The following ARHGAP26 variants were observed in gnomAD, a reference collection of about 807,000 sequenced individuals.
ARHGAP26 encodes the protein rho GTPase-activating protein 26.
ARHGAP26 carries 38 observed loss-of-function variants against 104.8 expected under a neutral mutation model. That is an observed-to-expected ratio of 0.36 (90% confidence interval 0.28 to 0.48). ARHGAP26 has a LOEUF of 0.48. ARHGAP26 is among the 20% of genes least tolerant of loss of function. The probability of loss-of-function intolerance (pLI) is 0.99; values close to 1 mark genes in which losing one functional copy is unlikely to be tolerated. For missense variants in ARHGAP26, 704 were observed against 947.9 expected, an observed-to-expected ratio of 0.74 and a Z score of 3.38; for synonymous variants, 341 against 340.0, an observed-to-expected ratio of 1.00 and a Z score of -0.03.
At chr5:142,994,281 G>A (rs1776062829) in intron 11 of ARHGAP26, among the ~76,000 whole-genome samples, 1 of 152,198 alleles carries the variant, frequency 6.6e-6, no homozygotes. Context: ...AAGAAATATG[G>A]CAACACAGAT....
intron 11 of ARHGAP26, among the ~76,000 whole-genome samples, chr5:142,943,275 T>C (rs960766133): frequency 6.6e-6 from 1 of 152,246 alleles, no homozygotes; most frequent in Non-Finnish European, 1.5e-5. Context: ...GAAGATTCCC[T>C]GCTGTCTTAA....
intron 4 of ARHGAP26, among the ~76,000 whole-genome samples, chr5:142,883,628 C>T (rs754889085): frequency 4.6e-5 from 7 of 152,222 alleles, no homozygotes; most frequent in Admixed American, 6.5e-5. Flanking sequence ...CTTCTGGCTC[C>T]GAGTGTCCTG....
intron 20 of ARHGAP26, among the ~76,000 whole-genome samples, chr5:143,160,036 A>G (rs1445798895): frequency 6.7e-6 from 1 of 149,806 alleles, no homozygotes; most frequent in African/African-American, 2.5e-5. Context: ...GCTTTGGAAC[A>G]TGTCTTAGTG....
At position 143,213,413 on chromosome 5, in the gene ARHGAP26, A is replaced by G. The variant is rs7705435; in HGVS notation, c.2100-584A>G. 1.3e-4 allele frequency among the ~76,000 whole-genome samples: 20 copies of G among 151,972 alleles called. No homozygotes were observed. The South Asian group carries it at 3.1e-3, about 24-fold the overall frequency. On this transcript the variant is annotated intron_variant, in intron 21 of 22. Coordinates refer to ENST00000645722, the MANE Select transcript of ARHGAP26 (RefSeq NM_001135608.3). ...GTAATTGCCCTCATGCACCTTGTCT[A>G]TTCCCTCCCCTGGGGGTTGGAGAGC...
intron 1 of ARHGAP26, among the ~76,000 whole-genome samples, chr5:142,791,520 G>T (rs999281896): frequency 6.6e-6 from 1 of 152,152 alleles, no homozygotes; most frequent in African/African-American, 2.4e-5. Context: ...GTGAATTGAT[G>T]TGTTTCCTAA....
intron 22 of ARHGAP26, among the ~76,000 whole-genome samples, chr5:143,219,650 G>A (rs1810880271): frequency 6.6e-6 from 1 of 152,202 alleles, no homozygotes; most frequent in Admixed American, 6.5e-5. Context: ...GGGGGCACTG[G>A]TGCTGCCTCC....
At chr5:142,808,236 GAAAAAAAAAAAAAAAAA>G (rs58550799) in intron 1 of ARHGAP26, among the ~76,000 whole-genome samples, 12 of 32,672 alleles carry the variant, frequency 3.7e-4, no homozygotes, top group Non-Finnish European at 6.2e-4. Flanking sequence ...CATTGTCTCG[GAAAAAAAAAAAAAAAAA>G]AAAAAAAAAA....
At chr5:143,128,557 T>G (rs3776298) in intron 18 of ARHGAP26, among the ~76,000 whole-genome samples, 32,853 of 152,114 alleles carry the variant, frequency 0.22, 4,974 homozygotes, top group African/African-American at 0.41. Context: ...TGAATTTGGC[T>G]TCTTAACAGT....
chr5:142,966,694 A>G (rs1370520384), intron 11 of ARHGAP26, among the ~76,000 whole-genome samples: 3 of 152,250 alleles, frequency 2.0e-5, no homozygotes, highest in Non-Finnish European at 4.4e-5. Context: ...GATTCTATAC[A>G]GGAAAATCGT....
At chr5:143,106,982 G>T (rs1388107570) in intron 17 of ARHGAP26, among the ~76,000 whole-genome samples, 1 of 152,160 alleles carries the variant, frequency 6.6e-6, no homozygotes, top group Admixed American at 6.5e-5. Context: ...GTCCTCTTAG[G>T]TTTTGTCATA....
intron 1 of ARHGAP26, among the ~76,000 whole-genome samples, chr5:142,828,267 G>T (rs189982365): frequency 3.0e-4 from 45 of 152,340 alleles, no homozygotes; most frequent in Middle Eastern, 3.4e-3. Context: ...TTATGGAAAA[G>T]ATTTTGAGTG....
intron 1 of ARHGAP26, among the ~76,000 whole-genome samples, chr5:142,842,062 G>C (rs1227702433): frequency 6.6e-6 from 1 of 152,192 alleles, no homozygotes; most frequent in Non-Finnish European, 1.5e-5. Context: ...CTTCAAGGGG[G>C]AAAGGGCTTT....
At chr5:142,884,028 T>G (rs945241985) in intron 4 of ARHGAP26, among the ~76,000 whole-genome samples, 3 of 152,222 alleles carry the variant, frequency 2.0e-5, no homozygotes, top group Admixed American at 2.0e-4. Flanking sequence ...TTTTCTCTTC[T>G]AGGCTTTGGA....
intron 1 of ARHGAP26, among the ~76,000 whole-genome samples, chr5:142,773,614 C>T (rs1755695514): frequency 6.6e-6 from 1 of 152,154 alleles, no homozygotes; most frequent in African/African-American, 2.4e-5. Flanking sequence ...AGACTCCGAG[C>T]CCTGGGTAGC....
chr5:143,149,842 C>T (rs1413676246), intron 20 of ARHGAP26, among the ~76,000 whole-genome samples: 1 of 152,150 alleles, frequency 6.6e-6, no homozygotes, highest in Non-Finnish European at 1.5e-5. Flanking sequence ...GAACCAGTCA[C>T]CAGGAAGCTA....
chr5:142,799,908 G>A (rs979575995), intron 1 of ARHGAP26, among the ~76,000 whole-genome samples: 1 of 152,176 alleles, frequency 6.6e-6, no homozygotes, highest in African/African-American at 2.4e-5. Flanking sequence ...ATGAGTTTTG[G>A]AAGGGACATT....
intron 1 of ARHGAP26, among the ~76,000 whole-genome samples, chr5:142,849,829 C>T (rs1039083402): frequency 1.3e-5 from 2 of 152,176 alleles, no homozygotes; most frequent in Non-Finnish European, 2.9e-5. Flanking sequence ...TCCCATGCTC[C>T]CTGTTTCTGT....
intron 11 of ARHGAP26, among the ~76,000 whole-genome samples, chr5:142,939,763 G>C (rs901169504): frequency 5.3e-5 from 8 of 152,206 alleles, no homozygotes; most frequent in African/African-American, 1.9e-4. Flanking sequence ...CTCTGAGCAG[G>C]TTTCCTCACC....
At chr5:142,782,064 A>G (rs1337993387) in intron 1 of ARHGAP26, among the ~76,000 whole-genome samples, 3 of 152,184 alleles carry the variant, frequency 2.0e-5, no homozygotes, top group East Asian at 1.9e-4. Flanking sequence ...TGAAGAGAAC[A>G]CATAGTCAGC....
Sources: allele counts gnomAD v4.1 joint callset (sites outside exome capture counted in the v4.1 genomes callset), GRCh38; gene constraint gnomAD v4.1.1; transcripts MANE v1.5; gene names NCBI Gene and HGNC (gene_info 2026-07-23, HGNC 2026-07-21).